The following EIF2B3 variants were observed in gnomAD, a reference collection of about 807,000 sequenced individuals.
The protein encoded by EIF2B3 is translation initiation factor eIF2B subunit gamma.
A neutral mutation model predicts 54.1 loss-of-function variants in EIF2B3; 20 were observed. The ratio of observed to expected loss-of-function variants is 0.37; its 90% CI spans 0.26 to 0.54. The LOEUF is 0.54. Ranked by LOEUF, EIF2B3 falls within the 20% of genes least tolerant of loss-of-function variation. EIF2B3 has a pLI of 0.86. For synonymous variants in EIF2B3, 153 were observed against 188.1 expected, an observed-to-expected ratio of 0.81 and a Z score of 1.52; for missense variants, 448 against 547.8, an observed-to-expected ratio of 0.82 and a Z score of 1.82.
Position 44,897,381 on chromosome 1 carries a change from G to T in EIF2B3, c.630C>A (p.Tyr210Ter). The T allele has an allele frequency of 6.2e-7, 1 of 1,613,490 alleles. No individual in the cohort carries two copies. The highest frequency in any genetic ancestry group is 8.5e-7 in the Non-Finnish European group (1 of 1,179,696). Residue 210 changes from tyrosine to a stop codon, truncating the protein, a stop_gained, in exon 6 of 12, where the codon TAC (tyrosine) becomes TAA (stop). Transcript: ENST00000360403. LOFTEE classifies it high-confidence loss of function. ...VDAHLYCLKK[Y>*]IVDFLMENGS... ...CATTTTCCATTAGGAAATCCACGATGTATTTTTTCAAACAGTAGAGGTGGG... is the reference window on the plus strand; with the variant it reads ...CATTTTCCATTAGGAAATCCACGATTTATTTTTTCAAACAGTAGAGGTGGG...
chr1:44,876,017 C>T (rs536822039), intron 8 of EIF2B3, among the ~76,000 whole-genome samples: 4 of 152,338 alleles, frequency 2.6e-5, no homozygotes, highest in East Asian at 3.9e-4. Context: ...AGCTCCTAAC[C>T]GCGAGTGATC....
At chr1:44,980,053 A>C (rs1471431637) in intron 2 of EIF2B3, among the ~76,000 whole-genome samples, 1 of 152,190 alleles carries the variant, frequency 6.6e-6, no homozygotes, top group African/African-American at 2.4e-5. Flanking sequence ...TGAACACTGG[A>C]TCACAAGACT....
chr1:44,884,632 C>G (rs1655518057), intron 6 of EIF2B3, among the ~76,000 whole-genome samples: 2 of 152,186 alleles, frequency 1.3e-5, no homozygotes, highest in South Asian at 2.1e-4. Context: ...AATGAAGCAA[C>G]ACTTACTCTT....
intron 1 of EIF2B3, among the ~76,000 whole-genome samples, chr1:44,984,797 CTTTTT>C (rs71040529): frequency 6.8e-5 from 6 of 88,576 alleles, no homozygotes; most frequent in Admixed American, 1.4e-4. Flanking sequence ...TAATGTCCAT[CTTTTT>C]TTTTTTTTTT....
chr1:44,905,111 C>T (rs1416983155), intron 5 of EIF2B3, among the ~76,000 whole-genome samples: 1 of 152,166 alleles, frequency 6.6e-6, no homozygotes, highest in Non-Finnish European at 1.5e-5. Context: ...ATCTTGGTCA[C>T]ACTGTAAGTG....
At chr1:44,972,250 A>AAAC (rs1644406749) in intron 3 of EIF2B3, among the ~76,000 whole-genome samples, 6 of 86,452 alleles carry the variant, frequency 6.9e-5, no homozygotes, top group South Asian at 3.1e-4. Flanking sequence ...CACACACACA[A>AAAC]ACACACACAC....
chr1:44,925,693 G>A (rs551961568), intron 5 of EIF2B3, among the ~76,000 whole-genome samples: 81 of 151,992 alleles, frequency 5.3e-4, no homozygotes, highest in Middle Eastern at 6.9e-3. Context: ...TTTGGGGGCT[G>A]AGGCGGGTGG....
chr1:44,875,740 G>GGT, intron 8 of EIF2B3, 45 bp from the exon 9 acceptor site: 1 of 1,514,286 alleles, frequency 6.6e-7, no homozygotes, highest in Non-Finnish European at 9.2e-7. Flanking sequence ...AAACACCTTA[G>GGT]GTAGCTCTCC....
intron 3 of EIF2B3, among the ~76,000 whole-genome samples, chr1:44,955,322 C>T (rs1490584333): frequency 6.6e-6 from 1 of 152,126 alleles, no homozygotes; most frequent in Non-Finnish European, 1.5e-5. Context: ...ATGTAGAAAG[C>T]TGAAACTGGA....
chr1:44,939,105 A>C (rs1643990798), intron 4 of EIF2B3, among the ~76,000 whole-genome samples: 2 of 110,172 alleles, frequency 1.8e-5, no homozygotes, highest in African/African-American at 6.6e-5. Flanking sequence ...CTGTCTCAAA[A>C]AAAAAAAAAA....
intron 6 of EIF2B3, among the ~76,000 whole-genome samples, chr1:44,895,877 T>C (rs1655953832): frequency 6.6e-6 from 1 of 152,242 alleles, no homozygotes; most frequent in African/African-American, 2.4e-5. Context: ...CACAGTTGTG[T>C]TCTCTTCTGC....
intron 10 of EIF2B3, among the ~76,000 whole-genome samples, chr1:44,858,687 A>C (rs530306760): frequency 6.6e-6 from 1 of 151,556 alleles, no homozygotes; most frequent in East Asian, 1.9e-4. Context: ...ATGGTCTTGA[A>C]CTCCTGGCCT....
At chr1:44,882,928 CTTTTTTTTTTTTT>C (rs1003449669) in intron 6 of EIF2B3, among the ~76,000 whole-genome samples, 1 of 114,456 alleles carries the variant, frequency 8.7e-6, no homozygotes, top group African/African-American at 3.5e-5. Context: ...TTTTCTTTTT[CTTTTTTTTTTTTT>C]TTTTTTGAGA....
chr1:44,897,488 A>T, intron 5 of EIF2B3, 44 bp from the exon 6 acceptor site: 1 of 1,452,614 alleles, frequency 6.9e-7, no homozygotes, highest in Non-Finnish European at 9.4e-7. Context: ...AGAGGCTCAC[A>T]ATCAGGTAAC....
intron 3 of EIF2B3, among the ~76,000 whole-genome samples, chr1:44,946,627 C>CTTTTTTT (rs35199520): frequency 6.8e-5 from 9 of 131,862 alleles, no homozygotes; most frequent in Admixed American, 1.6e-4. Context: ...TCTTCTTCTT[C>CTTTTTTT]TTTTTTTTTT....
chr1:44,975,216 G>GA (rs375329264), intron 3 of EIF2B3, among the ~76,000 whole-genome samples: 1,635 of 147,488 alleles, frequency 0.011, 35 homozygotes, highest in African/African-American at 0.038. Flanking sequence ...GCTGTCTCAA[G>GA]AAAAAAAAAA....
chr1:44,924,772 T>C (rs1643819884), intron 5 of EIF2B3, among the ~76,000 whole-genome samples: 1 of 152,192 alleles, frequency 6.6e-6, no homozygotes, highest in South Asian at 2.1e-4. Context: ...TTGTAATAAG[T>C]AGTTTTATGG....
At chr1:44,957,393 A>G (rs1029740720) in intron 3 of EIF2B3, among the ~76,000 whole-genome samples, 11 of 152,258 alleles carry the variant, frequency 7.2e-5, no homozygotes, top group African/African-American at 2.7e-4. Context: ...AATAAAGTAC[A>G]TGAACAATTT....
chr1:44,926,121 A>G (rs1236921874), intron 5 of EIF2B3, among the ~76,000 whole-genome samples: 3 of 147,780 alleles, frequency 2.0e-5, no homozygotes, highest in South Asian at 2.2e-4. Context: ...CCAGCTACTC[A>G]GGAGGCTGAG....
Sources: allele counts gnomAD v4.1 joint callset (sites outside exome capture counted in the v4.1 genomes callset), GRCh38; gene constraint gnomAD v4.1.1; transcripts MANE v1.5; gene names NCBI Gene and HGNC (gene_info 2026-07-23, HGNC 2026-07-21).